MAGI1: variants seen among roughly 807,000 people sequenced by gnomAD.
The protein encoded by MAGI1 is membrane-associated guanylate kinase, WW and PDZ domain-containing protein 1.
A neutral mutation model predicts 139.9 loss-of-function variants in MAGI1; 58 were observed. That is an observed-to-expected ratio of 0.41 (90% CI 0.34 to 0.52). The LOEUF is 0.52. Among genes scored for constraint, MAGI1 ranks in the 20% least tolerant of loss-of-function variants. MAGI1 has a pLI of 0.12. For missense variants in MAGI1, 1,874 were observed against 1,901.6 expected (o/e 0.99, Z 0.27); for synonymous variants, 812 against 737.9 (o/e 1.10, Z -1.63).
chr3:65,804,271 A>C (rs1174875022), intron 1 of MAGI1, among the ~76,000 whole-genome samples: 1 of 138,080 alleles, frequency 7.2e-6, no homozygotes, highest in East Asian at 2.3e-4. Context: ...CAGATGGCTT[A>C]GTAAAAAAAA....
chr3:65,933,382 T>C (rs991492698), intron 1 of MAGI1, among the ~76,000 whole-genome samples: 2 of 152,226 alleles, frequency 1.3e-5, no homozygotes, highest in African/African-American at 4.8e-5. Flanking sequence ...GGTTCACTAA[T>C]ATGGCTGCTG....
intron 1 of MAGI1, among the ~76,000 whole-genome samples, chr3:65,906,731 C>CA (rs1428632452): frequency 6.6e-6 from 1 of 151,714 alleles, no homozygotes; most frequent in Non-Finnish European, 1.5e-5. Flanking sequence ...ACTAAAAATA[C>CA]AAAAATTAAG....
chr3:65,884,292 A>G (rs1357897761), intron 1 of MAGI1, among the ~76,000 whole-genome samples: 1 of 152,266 alleles, frequency 6.6e-6, no homozygotes, highest in Non-Finnish European at 1.5e-5. Flanking sequence ...CATATAGCAC[A>G]TAGCGATACT....
At chr3:65,933,810 G>T (rs1234089458) in intron 1 of MAGI1, among the ~76,000 whole-genome samples, 7 of 152,166 alleles carry the variant, frequency 4.6e-5, no homozygotes, top group African/African-American at 1.4e-4. Context: ...ATGCACAGCA[G>T]CAAATAAATG....
intron 1 of MAGI1, among the ~76,000 whole-genome samples, chr3:65,865,223 T>C (rs2059681601): frequency 6.6e-6 from 1 of 151,896 alleles, no homozygotes; most frequent in Non-Finnish European, 1.5e-5. Context: ...AATTTTCTCC[T>C]AGATTTTTAC....
intron 1 of MAGI1, among the ~76,000 whole-genome samples, chr3:65,819,491 G>A (rs1400623289): frequency 6.6e-6 from 1 of 152,034 alleles, no homozygotes; most frequent in Non-Finnish European, 1.5e-5. Context: ...TAGGGCTAGA[G>A]AGATCTTCCT....
chr3:65,927,842 C>T (rs775131457), intron 1 of MAGI1, among the ~76,000 whole-genome samples: 6 of 152,066 alleles, frequency 3.9e-5, no homozygotes, highest in Non-Finnish European at 8.8e-5. Context: ...GAGATCCTGT[C>T]CTCACAGTGA....
chr3:65,651,521 G>A (rs2085579187), intron 1 of MAGI1, among the ~76,000 whole-genome samples: 1 of 152,036 alleles, frequency 6.6e-6, no homozygotes, highest in African/African-American at 2.4e-5. Context: ...ACCTTTCCCT[G>A]TATATTGCGG....
At chr3:65,440,482 T>C (rs1003791309) in intron 8 of MAGI1, among the ~76,000 whole-genome samples, 5 of 152,096 alleles carry the variant, frequency 3.3e-5, no homozygotes, top group Non-Finnish European at 5.9e-5. Context: ...AAGAAGTAGA[T>C]TAAGGAATTA....
chr3:65,864,740 A>G (rs1439025622), intron 1 of MAGI1, among the ~76,000 whole-genome samples: 2 of 152,204 alleles, frequency 1.3e-5, no homozygotes, highest in African/African-American at 4.8e-5. Context: ...GTGGCTCTTC[A>G]TGGCCATTCG....
chr3:65,541,585 C>T (rs1306811536), intron 2 of MAGI1, among the ~76,000 whole-genome samples: 1 of 152,190 alleles, frequency 6.6e-6, no homozygotes, highest in Non-Finnish European at 1.5e-5. Flanking sequence ...ATCAAGTCAG[C>T]TTCATCCCTG....
At chr3:65,661,745 G>GTT (rs11369893) in intron 1 of MAGI1, among the ~76,000 whole-genome samples, 4,377 of 93,858 alleles carry the variant, frequency 0.047, 515 homozygotes, top group Admixed American at 0.11. Context: ...GTTTTTTTCT[G>GTT]TTTTTTTTTT....
intron 5 of MAGI1, among the ~76,000 whole-genome samples, chr3:65,468,946 A>ACAAT (rs1478177682): frequency 5.3e-5 from 1 of 18,916 alleles, no homozygotes; most frequent in Non-Finnish European, 1.1e-4. Context: ...AGGAAGGGAA[A>ACAAT]CAATAAATAA....
At chr3:65,545,921 G>C (rs533079282) in intron 2 of MAGI1, among the ~76,000 whole-genome samples, 2 of 151,870 alleles carry the variant, frequency 1.3e-5, no homozygotes, top group East Asian at 1.9e-4. Flanking sequence ...AGGGGAACCA[G>C]GTCCTCTGAA....
intron 1 of MAGI1, among the ~76,000 whole-genome samples, chr3:66,004,601 G>T (rs1418476175): frequency 6.6e-6 from 1 of 152,114 alleles, no homozygotes; most frequent in Non-Finnish European, 1.5e-5. Context: ...TAAAAGGATG[G>T]TATATAGACA....
intron 1 of MAGI1, among the ~76,000 whole-genome samples, chr3:66,016,780 T>C (rs921975853): frequency 2.0e-5 from 3 of 152,130 alleles, no homozygotes; most frequent in Middle Eastern, 3.4e-3. Flanking sequence ...GTGAGCAAAA[T>C]GGGGTACATA....
chr3:65,600,617 G>A (rs2082434630), intron 2 of MAGI1, among the ~76,000 whole-genome samples: 1 of 137,670 alleles, frequency 7.3e-6, no homozygotes, highest in Non-Finnish European at 1.5e-5. Context: ...TAGGTCCTGG[G>A]CTAGCCAGCT....
chr3:65,522,341 C>T (rs1355687885), intron 2 of MAGI1, among the ~76,000 whole-genome samples: 3 of 152,178 alleles, frequency 2.0e-5, no homozygotes, highest in Non-Finnish European at 2.9e-5. Flanking sequence ...TCTATAAGCA[C>T]AAGCATAGGC....
At chr3:65,463,786 T>A (rs1465473556) in intron 5 of MAGI1, among the ~76,000 whole-genome samples, 1 of 152,204 alleles carries the variant, frequency 6.6e-6, no homozygotes, top group African/African-American at 2.4e-5. Flanking sequence ...GGTTATTAAT[T>A]ACTGCCTCAA....
Sources: allele counts gnomAD v4.1 joint callset (sites outside exome capture counted in the v4.1 genomes callset), GRCh38; gene constraint gnomAD v4.1.1; transcripts MANE v1.5; gene names NCBI Gene and HGNC (gene_info 2026-07-23, HGNC 2026-07-21).